IQCK: variants seen among roughly 807,000 people sequenced by gnomAD.
IQCK encodes the protein IQ motif containing K, also known as IQ domain-containing protein K.
In IQCK, 29 loss-of-function variants were observed where a neutral mutation model predicts 28.1. The ratio of observed to expected loss-of-function variants is 1.03; its 90% CI spans 0.77 to 1.41. IQCK has a LOEUF of 1.41. Among genes scored for constraint, IQCK ranks in the 40% most tolerant of loss-of-function variants. The pLI, the probability that IQCK is intolerant of heterozygous loss-of-function variation, is 0.00. For missense variants in IQCK, 359 were observed against 314.7 expected (o/e 1.14, Z -1.07); for synonymous variants, 113 against 115.1 (o/e 0.98, Z 0.12).
At chr16:19,770,274 G>C (rs1383425673) in intron 6 of IQCK, among the ~76,000 whole-genome samples, 1 of 152,120 alleles carries the variant, frequency 6.6e-6, no homozygotes, top group South Asian at 2.1e-4. Flanking sequence ...TTTCAACTTA[G>C]CGTCTATGTT....
intron 4 of IQCK, chr16:19,736,270 T>G (rs1978012040): frequency 2.4e-6 from 1 of 421,720 alleles, no homozygotes; most frequent in Non-Finnish European, 4.7e-6. Context: ...GTTTAGTATC[T>G]TTTTTCTTTT....
intron 1 of IQCK, among the ~76,000 whole-genome samples, chr16:19,722,916 T>G (rs547971712): frequency 1.3e-5 from 2 of 152,274 alleles, no homozygotes; most frequent in South Asian, 4.1e-4. Context: ...TTCACCATGT[T>G]GGCCAGGCTG....
chr16:19,746,245 G>T (rs1477752227), intron 4 of IQCK, among the ~76,000 whole-genome samples: 3 of 151,252 alleles, frequency 2.0e-5, no homozygotes, highest in African/African-American at 7.3e-5. Context: ...ATATTTATTG[G>T]GTGCATGAGA....
In IQCK at chr16:19,839,099, T is replaced by G. The variant is rs116951951; in HGVS notation, c.802+11962T>G. On this transcript the variant is annotated intron_variant, in intron 9 of 9. Transcript: ENST00000320394. ...AGGAAACTGTGTCTCAGAGGTTAAA[T>G]CATTCACCTTTGGTCACACAGCTTT... Among the ~76,000 whole-genome samples, 1,119 of 150,124 alleles carry G rather than the reference T, an allele frequency of 7.5e-3. 12 individuals are homozygous for G. Among genetic ancestry groups the G allele is most frequent in the Middle Eastern group, 0.058 (17 of 292 alleles).
chr16:19,782,905 C>T (rs1386550786), intron 6 of IQCK, among the ~76,000 whole-genome samples: 2 of 152,102 alleles, frequency 1.3e-5, no homozygotes, highest in Non-Finnish European at 2.9e-5. Flanking sequence ...TATGCGCACA[C>T]ATGTGCACAT....
chr16:19,843,540 C>A (rs2056383958), intron 9 of IQCK, among the ~76,000 whole-genome samples: 1 of 152,244 alleles, frequency 6.6e-6, no homozygotes, highest in African/African-American at 2.4e-5. Context: ...TAGCATGTGT[C>A]AGTACTTTAC....
At chr16:19,820,988 A>C (rs1271181200) in intron 7 of IQCK, among the ~76,000 whole-genome samples, 1 of 152,236 alleles carries the variant, frequency 6.6e-6, no homozygotes, top group African/African-American at 2.4e-5. Context: ...TAAACATTAG[A>C]GAAGTACACA....
At chr16:19,723,723 G>A (rs956816439) in intron 1 of IQCK, among the ~76,000 whole-genome samples, 3 of 152,072 alleles carry the variant, frequency 2.0e-5, no homozygotes, top group African/African-American at 7.2e-5. Flanking sequence ...GGAGACCGAC[G>A]GGGCTGGATT....
intron 4 of IQCK, chr16:19,735,655 G>A (rs1022730649): frequency 2.9e-5 from 16 of 557,598 alleles, no homozygotes; most frequent in Non-Finnish European, 4.5e-5. Context: ...TGGCCACTTG[G>A]ACTCCGGAGA....
At chr16:19,736,384 T>A (rs949715719) in intron 4 of IQCK, among the ~76,000 whole-genome samples, 1 of 151,980 alleles carries the variant, frequency 6.6e-6, no homozygotes, top group Non-Finnish European at 1.5e-5. Context: ...CACCTCAGCT[T>A]CCTGAGCAGC....
At chr16:19,806,969 T>C (rs1047062212) in intron 7 of IQCK, among the ~76,000 whole-genome samples, 1 of 152,208 alleles carries the variant, frequency 6.6e-6, no homozygotes, top group Non-Finnish European at 1.5e-5. Context: ...CTGGGGAGTC[T>C]CTTCCCACAT....
chr16:19,720,183 C>T (rs1476000278), intron 1 of IQCK, among the ~76,000 whole-genome samples: 1 of 152,184 alleles, frequency 6.6e-6, no homozygotes, highest in East Asian at 1.9e-4. Flanking sequence ...TCAACCCCAT[C>T]CAGTACTTAA....
chr16:19,816,726 TACTA>T (rs1282871128), intron 7 of IQCK, among the ~76,000 whole-genome samples: 1 of 152,254 alleles, frequency 6.6e-6, no homozygotes, highest in African/African-American at 2.4e-5. Context: ...TGGTTCCATG[TACTA>T]ATAGCAATTG....
intron 7 of IQCK, among the ~76,000 whole-genome samples, chr16:19,822,806 T>C (rs1186609553): frequency 6.6e-6 from 1 of 152,248 alleles, no homozygotes; most frequent in African/African-American, 2.4e-5. Context: ...TTAATGCTAC[T>C]GAACTGTATA....
chr16:19,718,816 G>A (rs1263192553), intron 1 of IQCK, among the ~76,000 whole-genome samples: 1 of 152,198 alleles, frequency 6.6e-6, no homozygotes, highest in Non-Finnish European at 1.5e-5. Flanking sequence ...TGGGGCGGGG[G>A]CCGGGGTGGG....
chr16:19,810,019 C>T (rs2055882729), intron 7 of IQCK, among the ~76,000 whole-genome samples: 1 of 152,182 alleles, frequency 6.6e-6, no homozygotes, highest in South Asian at 2.1e-4. Flanking sequence ...AAATCAGAAG[C>T]TGTGGTGGTA....
At chr16:19,804,214 C>G (rs1230584634) in intron 7 of IQCK, among the ~76,000 whole-genome samples, 1 of 151,552 alleles carries the variant, frequency 6.6e-6, no homozygotes, top group Non-Finnish European at 1.5e-5. Context: ...ATTAGCTGGG[C>G]ATGGTAGTGG....
At chr16:19,815,398 C>T (rs1202135371) in intron 7 of IQCK, among the ~76,000 whole-genome samples, 5 of 152,174 alleles carry the variant, frequency 3.3e-5, no homozygotes, top group Admixed American at 1.3e-4. Flanking sequence ...TGCTGATAAT[C>T]CCAGCATTTT....
chr16:19,720,034 T>G (rs1977440481), intron 1 of IQCK, among the ~76,000 whole-genome samples: 1 of 152,062 alleles, frequency 6.6e-6, no homozygotes, highest in African/African-American at 2.4e-5. Flanking sequence ...TATTGGATAG[T>G]GCAGGTCAGT....
Sources: gnomAD v4.1 joint callset for allele counts (sites outside exome capture counted in the v4.1 genomes callset) on GRCh38, gnomAD v4.1.1 for gene constraint, MANE v1.5 for transcripts, NCBI Gene and HGNC (gene_info 2026-07-23, HGNC 2026-07-21) for gene names.